The following CSMD3 variants were observed in gnomAD, a reference collection of about 807,000 sequenced individuals.
The protein encoded by CSMD3 is CUB and sushi domain-containing protein 3.
In CSMD3, 177 loss-of-function variants were observed where a neutral mutation model predicts 435.2. The observed-to-expected ratio is 0.41, with a 90% CI of 0.36 to 0.46. The LOEUF is 0.46. Among genes scored for constraint, CSMD3 ranks in the 20% least tolerant of loss-of-function variants. The probability of loss-of-function intolerance (pLI) is 0.34; values close to 1 mark genes in which losing one functional copy is unlikely to be tolerated. For missense variants in CSMD3, 4,265 were observed against 4,504.6 expected (o/e 0.95, Z 1.52); for synonymous variants, 1,656 against 1,520.5 (o/e 1.09, Z -2.07).
chr8:113,179,737 C>T (rs1223723922), intron 3 of CSMD3, among the ~76,000 whole-genome samples: 2 of 151,262 alleles, frequency 1.3e-5, no homozygotes, highest in Non-Finnish European at 3.0e-5. Flanking sequence ...TGAAAGAGAG[C>T]ATATATAAAG....
At chr8:113,363,105 G>A (rs1160650953) in intron 1 of CSMD3, among the ~76,000 whole-genome samples, 1 of 152,128 alleles carries the variant, frequency 6.6e-6, no homozygotes, top group African/African-American at 2.4e-5. Context: ...CTGGACTTCA[G>A]AACTTCATTA....
intron 6 of CSMD3, among the ~76,000 whole-genome samples, chr8:112,979,532 T>C (rs2084971069): frequency 1.3e-5 from 2 of 151,560 alleles, no homozygotes; most frequent in South Asian, 4.2e-4. Flanking sequence ...TATTAAGTAA[T>C]TGCCAATGCT....
intron 10 of CSMD3, among the ~76,000 whole-genome samples, chr8:112,896,583 A>G (rs1021439472): frequency 2.6e-5 from 4 of 151,278 alleles, no homozygotes; most frequent in African/African-American, 9.7e-5. Flanking sequence ...TTTTCCTACT[A>G]TAGAGTCTCT....
In CSMD3 at chr8:112,573,359, G is replaced by T. The variant is rs1314576016; in HGVS notation, c.4042+142C>A. ...CTGTAACTTACCGGGCTGTTGTTAG[G>T]GTCAAATAAAATTATATATGTAGAA... On this transcript the variant is annotated intron_variant, in intron 24 of 70. Transcript: ENST00000297405. The T allele has an allele frequency of 6.3e-6, 5 of 794,850 alleles. No homozygotes were observed. In the African/African-American group the frequency reaches 6.9e-5, roughly 11 times the overall value. 49.2% of individuals were successfully genotyped at this position (794,850 alleles called of 1,614,324 possible). A position where few individuals can be genotyped will look rare whatever the true frequency, so the allele number is the denominator to read the frequency against.
In CSMD3 at chr8:112,684,814, T is replaced by G. The variant is rs141165869; in HGVS notation, c.2482+592A>C. Among the ~76,000 whole-genome samples the G allele has an allele frequency of 3.9e-5, 6 of 152,302 alleles. No individual in the cohort carries two copies. In the East Asian group the frequency reaches 1.2e-3, roughly 29 times the overall value. On this transcript the variant is annotated intron_variant, in intron 15 of 70. Coordinates refer to ENST00000297405, the MANE Select transcript of CSMD3 (RefSeq NM_198123.2). ...TAATATGTACTCTGTGCTAAATTATTCACATGCATCACCTAATTTATTCTT... is the reference window on the plus strand; with the variant it reads ...TAATATGTACTCTGTGCTAAATTATGCACATGCATCACCTAATTTATTCTT...
At chr8:112,716,831 T>C (rs574322081) in intron 13 of CSMD3, among the ~76,000 whole-genome samples, 13 of 152,180 alleles carry the variant, frequency 8.5e-5, no homozygotes, top group Non-Finnish European at 1.8e-4. Context: ...GGGTAAAGAA[T>C]TCCCTATTTA....
chr8:113,046,063 G>C (rs1473592524), intron 5 of CSMD3, among the ~76,000 whole-genome samples: 1 of 149,306 alleles, frequency 6.7e-6, no homozygotes, highest in East Asian at 1.9e-4. Context: ...TCCAGAAAAA[G>C]AAACTCTGGA....
chr8:113,206,002 T>A (rs2092766994), intron 3 of CSMD3, among the ~76,000 whole-genome samples: 1 of 152,014 alleles, frequency 6.6e-6, no homozygotes, highest in Non-Finnish European at 1.5e-5. Context: ...GTATTTAAAA[T>A]TGCATTGGAC....
At chr8:112,247,818 C>G (rs1814887350) in intron 63 of CSMD3, among the ~76,000 whole-genome samples, 1 of 152,118 alleles carries the variant, frequency 6.6e-6, no homozygotes, top group African/African-American at 2.4e-5. Context: ...AACCAATAAT[C>G]TGTTTTAACA....
chr8:113,296,212 G>C (rs1022691079), intron 2 of CSMD3, among the ~76,000 whole-genome samples: 1 of 151,428 alleles, frequency 6.6e-6, no homozygotes, highest in Non-Finnish European at 1.5e-5. Flanking sequence ...CGAGTTAATG[G>C]GTGCAGCACA....
At chr8:112,499,963 G>T (rs1338394106) in intron 30 of CSMD3, among the ~76,000 whole-genome samples, 1 of 152,112 alleles carries the variant, frequency 6.6e-6, no homozygotes, top group Admixed American at 6.6e-5. Flanking sequence ...ACAAAAATTA[G>T]CCAGGCATGG....
intron 1 of CSMD3, among the ~76,000 whole-genome samples, chr8:113,388,179 G>T (rs1343078848): frequency 6.6e-6 from 1 of 151,592 alleles, no homozygotes; most frequent in African/African-American, 2.4e-5. Flanking sequence ...TTTCATAGCG[G>T]ACATCCCATA....
intron 22 of CSMD3, among the ~76,000 whole-genome samples, chr8:112,632,452 G>A (rs1308083082): frequency 1.3e-5 from 2 of 152,028 alleles, no homozygotes; most frequent in African/African-American, 4.8e-5. Context: ...GGATTATGAG[G>A]ATGAATGAAT....
At chr8:112,765,257 A>T (rs2077948165) in intron 13 of CSMD3, among the ~76,000 whole-genome samples, 1 of 151,658 alleles carries the variant, frequency 6.6e-6, no homozygotes, top group Admixed American at 6.6e-5. Context: ...GTCAGGCAAA[A>T]AATGATGAGG....
chr8:113,329,920 C>A (rs2094014449), intron 1 of CSMD3, among the ~76,000 whole-genome samples: 2 of 152,006 alleles, frequency 1.3e-5, no homozygotes, highest in African/African-American at 4.8e-5. Context: ...ACTATCTGAA[C>A]TGTCTTACAA....
chr8:113,288,959 T>C (rs1195422603), intron 2 of CSMD3, among the ~76,000 whole-genome samples: 2 of 151,714 alleles, frequency 1.3e-5, no homozygotes, highest in Non-Finnish European at 3.0e-5. Context: ...CCATAATTAT[T>C]TTGATGATGA....
At chr8:113,417,023 A>G (rs2094584722) in intron 1 of CSMD3, among the ~76,000 whole-genome samples, 1 of 152,036 alleles carries the variant, frequency 6.6e-6, no homozygotes, top group African/African-American at 2.4e-5. Flanking sequence ...AATATAAAAT[A>G]ATAAACTTCT....
At chr8:113,371,190 G>A (rs1213453883) in intron 1 of CSMD3, among the ~76,000 whole-genome samples, 1 of 151,842 alleles carries the variant, frequency 6.6e-6, no homozygotes, top group Middle Eastern at 3.2e-3. Context: ...TTACATATTT[G>A]TCTTCTCAGT....
At chr8:113,043,338 T>C (rs1395094745) in intron 5 of CSMD3, among the ~76,000 whole-genome samples, 1 of 152,158 alleles carries the variant, frequency 6.6e-6, no homozygotes, top group Non-Finnish European at 1.5e-5. Flanking sequence ...GTTTTATTCT[T>C]TTTGTAGAAT....
Sources: allele counts gnomAD v4.1 joint callset (sites outside exome capture counted in the v4.1 genomes callset), GRCh38; gene constraint gnomAD v4.1.1; transcripts MANE v1.5; gene names NCBI Gene and HGNC (gene_info 2026-07-23, HGNC 2026-07-21).